Variants in MECOM observed in about 807,000 individuals in gnomAD.
MECOM encodes MDS1 and EVI1 complex locus, also known as histone-lysine N-methyltransferase MECOM.
Under a neutral mutation model 116.3 loss-of-function variants are expected in MECOM, and 13 were observed. That is an observed-to-expected ratio of 0.11 (90% CI 0.07 to 0.18). The LOEUF is 0.18. Ranked by LOEUF, MECOM falls within the 10% of genes least tolerant of loss-of-function variation. The probability of loss-of-function intolerance (pLI) is 1.00; values close to 1 mark genes in which losing one functional copy is unlikely to be tolerated. For missense variants in MECOM, 1,299 were observed against 1,509.0 expected, an observed-to-expected ratio of 0.86 and a Z score of 2.31; for synonymous variants, 528 against 535.2, an observed-to-expected ratio of 0.99 and a Z score of 0.19.
At chr3:169,478,449 TA>T (rs1187537258) in intron 1 of MECOM, among the ~76,000 whole-genome samples, 2 of 152,160 alleles carry the variant, frequency 1.3e-5, no homozygotes, top group East Asian at 3.9e-4. Context: ...ATTGTGCAGA[TA>T]AAAATGCCTC....
At chr3:169,147,737 C>T (rs1740349671) in intron 2 of MECOM, 25 of 976,942 alleles carry the variant, frequency 2.6e-5, no homozygotes, top group Non-Finnish European at 3.0e-5. Context: ...TGTGTGTGCG[C>T]GCGAGTGTGT....
At chr3:169,424,560 G>T (rs1464056480) in intron 1 of MECOM, among the ~76,000 whole-genome samples, 13 of 152,138 alleles carry the variant, frequency 8.5e-5, no homozygotes, top group Non-Finnish European at 1.5e-5. Flanking sequence ...GAAGATGGTT[G>T]TTCTTCTGAA....
intron 1 of MECOM, among the ~76,000 whole-genome samples, chr3:169,646,273 A>T (rs1178322861): frequency 7.4e-6 from 1 of 134,698 alleles, no homozygotes; most frequent in East Asian, 2.5e-4. Flanking sequence ...ACACTTGGAC[A>T]CAGGAAGGGG....
In MECOM at chr3:169,470,782, A is replaced by T. The variant is rs192773405; in HGVS notation, c.38-89258T>A. 1.1e-4 allele frequency among the ~76,000 whole-genome samples: 16 copies of T among 152,244 alleles called. No individual in the cohort carries two copies. In the East Asian group the frequency reaches 2.9e-3, roughly 28 times the overall value. On this transcript the variant is annotated intron_variant, in intron 1 of 16. Coordinates refer to ENST00000651503, the MANE Select transcript of MECOM (RefSeq NM_004991.4). Reference sequence around the variant, plus strand: ...GGTGTATCTATCATCTAGAAACCAAACAAAACTAAAAATCACAGGGGAATT... The same window carrying T: ...GGTGTATCTATCATCTAGAAACCAATCAAAACTAAAAATCACAGGGGAATT...
chr3:169,636,051 C>G (rs976956601), intron 1 of MECOM, among the ~76,000 whole-genome samples: 3 of 152,110 alleles, frequency 2.0e-5, no homozygotes, highest in Non-Finnish European at 4.4e-5. Flanking sequence ...TGGCCATATA[C>G]CCCGGTGAAG....
chr3:169,213,112 C>T (rs920313043), intron 2 of MECOM, among the ~76,000 whole-genome samples: 1 of 151,498 alleles, frequency 6.6e-6, no homozygotes, highest in African/African-American at 2.4e-5. Context: ...TTGAAATTTA[C>T]CTATTTATTT....
In MECOM at chr3:169,136,790, AAG is replaced by A. The variant is rs1263186984; in HGVS notation, c.511-5261_511-5260del. Among the ~76,000 whole-genome samples, 10 of 152,220 alleles carry A rather than the reference AAG, an allele frequency of 6.6e-5. No homozygotes were observed. In the East Asian group the frequency reaches 1.9e-3, roughly 29 times the overall value. On this transcript the variant is annotated intron_variant, in intron 3 of 16. Transcript: ENST00000651503. Reference sequence around the variant, plus strand: ...TCTGCACACAAGGGGGAAAATAAGAAAGAAGGAAAACACATTTACTTTTAAAA... The same window carrying A: ...TCTGCACACAAGGGGGAAAATAAGAAAAGGAAAACACATTTACTTTTAAAA...
At chr3:169,628,993 T>C (rs192678489) in intron 1 of MECOM, among the ~76,000 whole-genome samples, 6 of 152,228 alleles carry the variant, frequency 3.9e-5, no homozygotes, top group Non-Finnish European at 7.4e-5. Context: ...TCAAGCAATA[T>C]GCTGAAGCTA....
chr3:169,636,014 T>C (rs1046598884), intron 1 of MECOM, among the ~76,000 whole-genome samples: 11 of 152,162 alleles, frequency 7.2e-5, no homozygotes, highest in African/African-American at 1.4e-4. Flanking sequence ...AAAAGTAATG[T>C]GGATAATACT....
chr3:169,554,659 T>C (rs537953464), intron 1 of MECOM, among the ~76,000 whole-genome samples: 19 of 152,304 alleles, frequency 1.2e-4, no homozygotes, highest in African/African-American at 4.6e-4. Flanking sequence ...AGATTCCCAA[T>C]ATTCTTAAAC....
intron 2 of MECOM, among the ~76,000 whole-genome samples, chr3:169,351,146 A>T (rs1187492657): frequency 1.3e-5 from 2 of 151,840 alleles, no homozygotes; most frequent in Non-Finnish European, 2.9e-5. Context: ...CATTAATGAA[A>T]AGATTTTTTT....
chr3:169,201,054 A>G (rs753399785), intron 2 of MECOM, among the ~76,000 whole-genome samples: 1 of 152,094 alleles, frequency 6.6e-6, no homozygotes, highest in Non-Finnish European at 1.5e-5. Flanking sequence ...GTCTTTATTG[A>G]ATATGTACAT....
chr3:169,156,436 CTG>C (rs1327348290), intron 2 of MECOM, among the ~76,000 whole-genome samples: 1 of 152,118 alleles, frequency 6.6e-6, no homozygotes, highest in African/African-American at 2.4e-5. Context: ...TATCAACTGA[CTG>C]TTCTCAACTC....
intron 2 of MECOM, among the ~76,000 whole-genome samples, chr3:169,373,941 G>C (rs1730580869): frequency 6.6e-6 from 1 of 151,852 alleles, no homozygotes; most frequent in African/African-American, 2.4e-5. Flanking sequence ...TTGAATGTCT[G>C]TGTTATAGAC....
chr3:169,177,506 T>C (rs769762677), intron 2 of MECOM, among the ~76,000 whole-genome samples: 54 of 152,012 alleles, frequency 3.6e-4, no homozygotes, highest in East Asian at 5.8e-4. Flanking sequence ...AGAGGACAGG[T>C]CAATAGGTGC....
At chr3:169,517,997 C>T (rs918154926) in intron 1 of MECOM, among the ~76,000 whole-genome samples, 4 of 152,210 alleles carry the variant, frequency 2.6e-5, no homozygotes, top group Non-Finnish European at 4.4e-5. Flanking sequence ...CTATGGCTCA[C>T]GCCTGTAATC....
At chr3:169,155,495 T>G (rs1409642021) in intron 2 of MECOM, among the ~76,000 whole-genome samples, 2 of 152,150 alleles carry the variant, frequency 1.3e-5, no homozygotes, top group Admixed American at 6.6e-5. Flanking sequence ...CTTTTAGGCC[T>G]GAGTTTTTGT....
At chr3:169,536,018 T>A (rs1341897069) in intron 1 of MECOM, among the ~76,000 whole-genome samples, 1 of 152,218 alleles carries the variant, frequency 6.6e-6, no homozygotes, top group African/African-American at 2.4e-5. Context: ...CAGACTGTGC[T>A]ATGCACTACT....
chr3:169,331,361 C>G (rs752565630), intron 2 of MECOM, among the ~76,000 whole-genome samples: 10 of 152,066 alleles, frequency 6.6e-5, no homozygotes, highest in Non-Finnish European at 1.3e-4. Flanking sequence ...GGGAACCATA[C>G]CTACCTAATA....
Sources: gnomAD v4.1 joint callset for allele counts (sites outside exome capture counted in the v4.1 genomes callset) on GRCh38, gnomAD v4.1.1 for gene constraint, MANE v1.5 for transcripts, NCBI Gene and HGNC (gene_info 2026-07-23, HGNC 2026-07-21) for gene names.